The following USP24 variants were observed in gnomAD, a reference collection of about 807,000 sequenced individuals.
USP24 encodes the protein ubiquitin specific peptidase 24, also known as ubiquitin carboxyl-terminal hydrolase 24.
USP24 carries 97 observed loss-of-function variants against 361.6 expected under a neutral mutation model. The observed-to-expected ratio is 0.27, with a 90% CI of 0.23 to 0.32. USP24 has a LOEUF of 0.32. Among genes scored for constraint, USP24 ranks in the 10% least tolerant of loss-of-function variants. The probability of loss-of-function intolerance (pLI) is 1.00; values close to 1 mark genes in which losing one functional copy is unlikely to be tolerated. For missense variants in USP24, 2,353 were observed against 3,165.6 expected (o/e 0.74, Z 6.16); for synonymous variants, 1,098 against 1,124.6 (o/e 0.98, Z 0.47).
Position 55,150,306 on chromosome 1 carries a change from T to C in USP24, c.1861-1736A>G, listed in dbSNP as rs145135130. 3.2e-4 allele frequency among the ~76,000 whole-genome samples: 48 copies of C among 152,352 alleles called. No individual in the cohort carries two copies. In the East Asian group the frequency reaches 8.1e-3, roughly 26 times the overall value. The stretch of plus-strand genomic sequence containing the variant: ...TAGGCTCAACCTCTCATTAAGAATC[T>C]AAACCAATGGTCCATAACTGCAAAA... On this transcript the variant is annotated intron_variant, in intron 16 of 67. Coordinates refer to ENST00000294383, the MANE Select transcript of USP24 (RefSeq NM_015306.3).
intron 50 of USP24, among the ~76,000 whole-genome samples, chr1:55,095,785 G>A (rs575263197): frequency 8.5e-5 from 13 of 152,246 alleles, no homozygotes; most frequent in African/African-American, 2.9e-4. Flanking sequence ...TGCCAAGATC[G>A]GCCAAATCCA....
chr1:55,156,723 A>G (rs1325635868), intron 12 of USP24, among the ~76,000 whole-genome samples: 1 of 152,172 alleles, frequency 6.6e-6, no homozygotes, highest in Non-Finnish European at 1.5e-5. Context: ...TTTTTAATTT[A>G]AAAAATTAGA....
intron 1 of USP24, among the ~76,000 whole-genome samples, chr1:55,185,475 G>T (rs1644103272): frequency 6.6e-6 from 1 of 151,164 alleles, no homozygotes; most frequent in Non-Finnish European, 1.5e-5. Flanking sequence ...AAAAAAAAGG[G>T]ACAAACCTTC....
At position 55,182,271 on chromosome 1, in the gene USP24, C is replaced by T. The variant is rs571852075; in HGVS notation, c.325-4139G>A. 4.1e-4 allele frequency among the ~76,000 whole-genome samples: 63 copies of T among 152,244 alleles called. No homozygotes were observed. The South Asian group carries it at 5.8e-3, about 14-fold the overall frequency. ...TTCACCATGTTGGCCAGGATGGTCTCGATCTCTTGACCTCATCGTGATATG... is the reference window on the plus strand; with the variant it reads ...TTCACCATGTTGGCCAGGATGGTCTTGATCTCTTGACCTCATCGTGATATG... On this transcript the variant is annotated intron_variant, in intron 1 of 67. Transcript: ENST00000294383.
rs575211966 is a variant in USP24, at chr1:55,137,653, T to C, written c.3063A>G (p.Gln1021=). Residue 1021 remains glutamine (Q), a synonymous_variant, in exon 28 of 68, where the codon CAA becomes CAG. Transcript: ENST00000294383. ...TVNKDQKLLH[Q]LGFSDEQILT... is the part of the protein sequence containing the mutation. ...GGATTTGTTCATCAGAAAAGCCCAGTTGGTGGAGTAGCTTTTGATCTTTAT... is the reference window on the plus strand; with the variant it reads ...GGATTTGTTCATCAGAAAAGCCCAGCTGGTGGAGTAGCTTTTGATCTTTAT... The C allele has an allele frequency of 1.1e-5, 18 of 1,613,148 alleles. No homozygotes were observed. Among genetic ancestry groups the C allele is most frequent in the African/African-American group, 1.1e-4 (8 of 75,014 alleles).
intron 1 of USP24, among the ~76,000 whole-genome samples, chr1:55,208,823 C>T (rs1644776931): frequency 6.6e-6 from 1 of 151,884 alleles, no homozygotes; most frequent in Admixed American, 6.6e-5. Context: ...GTAATCCCAG[C>T]TACTTGGGAG....
intron 1 of USP24, among the ~76,000 whole-genome samples, chr1:55,193,088 G>T (rs1027271707): frequency 6.6e-6 from 1 of 152,092 alleles, no homozygotes; most frequent in South Asian, 2.1e-4. Flanking sequence ...TAAATACATA[G>T]AAAGCAATGT....
chr1:55,102,528 T>C (rs1645661098), intron 42 of USP24, among the ~76,000 whole-genome samples: 2 of 152,210 alleles, frequency 1.3e-5, no homozygotes, highest in South Asian at 2.1e-4. Flanking sequence ...TCTGCATCCA[T>C]GTAATAACCA....
Position 55,157,321 on chromosome 1 carries a change from G to A in USP24, c.1277C>T (p.Ala426Val). 1 of 1,602,002 alleles carries A rather than the reference G, an allele frequency of 6.2e-7. No homozygotes were observed. Among genetic ancestry groups the A allele is most frequent in the Non-Finnish European group, 8.5e-7 (1 of 1,176,634 alleles). Residue 426 changes from alanine (A) to valine (V), a missense_variant, in exon 11 of 68, where the codon GCT becomes GTT. Ala to Val is a moderately conservative substitution (Grantham distance 64, BLOSUM62 0). Coordinates refer to ENST00000294383, the MANE Select transcript of USP24 (RefSeq NM_015306.3). ...DSTLSKSVKNAIDTDRLLDWL... is the reference protein window; with the variant it reads ...DSTLSKSVKNVIDTDRLLDWL... Reference sequence around the variant, plus strand: ...ATCTAATAATCTGTCTGTATCTATAGCATTCTTCACAGATTTGGATAAAGT... The same window carrying A: ...ATCTAATAATCTGTCTGTATCTATAACATTCTTCACAGATTTGGATAAAGT...
chr1:55,201,263 T>C (rs566037369), intron 1 of USP24, among the ~76,000 whole-genome samples: 1 of 152,162 alleles, frequency 6.6e-6, no homozygotes, highest in East Asian at 1.9e-4. Flanking sequence ...GTGTCAAGTG[T>C]TTCCTGGAAC....
intron 45 of USP24, among the ~76,000 whole-genome samples, 196 bp from the exon 46 acceptor site, chr1:55,098,754 G>A (rs1645555916): frequency 6.6e-6 from 1 of 152,182 alleles, no homozygotes; most frequent in African/African-American, 2.4e-5. Flanking sequence ...AGGAAGAGGA[G>A]GAGGGATGGG....
chr1:55,163,174 A>G (rs1359214013), intron 7 of USP24, among the ~76,000 whole-genome samples: 1 of 152,028 alleles, frequency 6.6e-6, no homozygotes, highest in African/African-American at 2.4e-5. Flanking sequence ...AAAAATAAAA[A>G]TATGAAAGTA....
intron 12 of USP24, 118 bp from the exon 13 acceptor site, chr1:55,154,896 T>C (rs1322506951): frequency 1.5e-6 from 1 of 679,594 alleles, no homozygotes. Context: ...TTGACTCTAG[T>C]GTAATCAGCA....
intron 1 of USP24, among the ~76,000 whole-genome samples, chr1:55,210,823 T>C (rs1462047334): frequency 6.6e-6 from 1 of 152,158 alleles, no homozygotes; most frequent in Non-Finnish European, 1.5e-5. Context: ...TTCACAATGT[T>C]TATCAGATCA....
chr1:55,214,647 T>TTC (rs147362305), intron 1 of USP24, 143 bp downstream of exon 1: 47 of 690,338 alleles, frequency 6.8e-5, no homozygotes, highest in East Asian at 1.3e-4. Context: ...AGCCTGGGGC[T>TTC]TCTCTCTCTC....
In USP24 at chr1:55,098,573, A is replaced by G. The variant is rs1197971752; in HGVS notation, c.5371-15T>C. 6.3e-7 allele frequency: 1 copy of G among 1,592,484 alleles called. No individual in the cohort carries two copies. The highest frequency in any genetic ancestry group is 1.7e-5 in the Admixed American group (1 of 59,184). The stretch of plus-strand genomic sequence containing the variant: ...CTCCCCATTTTCTGTTGGAATGAAA[A>G]GTTACAGTTTTAAGTGATGCCTCCT... On this transcript the variant is annotated splice_polypyrimidine_tract_variant and intron_variant, in intron 45 of 67. Coordinates refer to ENST00000294383, the MANE Select transcript of USP24 (RefSeq NM_015306.3).
intron 7 of USP24, among the ~76,000 whole-genome samples, chr1:55,164,792 A>G (rs909601147): frequency 6.6e-6 from 1 of 151,802 alleles, no homozygotes; most frequent in African/African-American, 2.4e-5. Flanking sequence ...GAAATTTGGG[A>G]GTGCTCTGTA....
chr1:55,188,508 CAAAT>C (rs1424382441), intron 1 of USP24, among the ~76,000 whole-genome samples: 2 of 151,014 alleles, frequency 1.3e-5, no homozygotes, highest in Non-Finnish European at 3.0e-5. Context: ...AATAAAAAGA[CAAAT>C]AACCTAATAA....
Position 55,098,125 on chromosome 1 carries a change from A to G in USP24, c.5454-41T>C, listed in dbSNP as rs754495214. Reference sequence around the variant, plus strand: ...CAGAAAACCCACAATCAACAATGGAATTTAAAACTCTTCAATTATCATAAT... The same window carrying G: ...CAGAAAACCCACAATCAACAATGGAGTTTAAAACTCTTCAATTATCATAAT... On this transcript the variant is annotated intron_variant, in intron 46 of 67. Coordinates refer to ENST00000294383, the MANE Select transcript of USP24 (RefSeq NM_015306.3). 9.1e-6 allele frequency: 14 copies of G among 1,531,114 alleles called. 1 individual carries two copies. The Middle Eastern group carries it at 5.2e-4, about 57-fold the overall frequency. 94.8% of individuals were successfully genotyped at this position (1,531,114 alleles called of 1,614,324 possible).
Sources: gnomAD v4.1 joint callset for allele counts (sites outside exome capture counted in the v4.1 genomes callset) on GRCh38, gnomAD v4.1.1 for gene constraint, MANE v1.5 for transcripts, NCBI Gene and HGNC (gene_info 2026-07-23, HGNC 2026-07-21) for gene names.